The following ATXN7L2 variants were observed in gnomAD, a reference collection of about 807,000 sequenced individuals.
ATXN7L2 encodes ataxin-7-like protein 2.
ATXN7L2 carries 17 observed loss-of-function variants against 59.6 expected under a neutral mutation model. That is an observed-to-expected ratio of 0.29 (90% CI 0.20 to 0.43). ATXN7L2 has a LOEUF of 0.43. Ranked by LOEUF, ATXN7L2 falls within the 20% of genes least tolerant of loss-of-function variation. The pLI, the probability that ATXN7L2 is intolerant of heterozygous loss-of-function variation, is 1.00. For missense variants in ATXN7L2, 858 were observed against 1,008.9 expected, an observed-to-expected ratio of 0.85 and a Z score of 2.03; for synonymous variants, 378 against 392.5, an observed-to-expected ratio of 0.96 and a Z score of 0.44.
In ATXN7L2 at chr1:109,489,348, C is replaced by A. The variant is rs568103324; in HGVS notation, c.1133+248C>A. 4.2e-5 allele frequency: 23 copies of A among 548,390 alleles called. No homozygotes were observed. The East Asian group carries it at 6.8e-4, about 16-fold the overall frequency. 34.0% of individuals were successfully genotyped at this position (548,390 alleles called of 1,614,324 possible). On this transcript the variant is annotated intron_variant, in intron 7 of 10. Transcript: ENST00000683729. Reference sequence around the variant, plus strand: ...CCAACACTCAGGATATGAACATTTTCCCAGCTGCCTCCAACAGACCGAAAC... The same window carrying A: ...CCAACACTCAGGATATGAACATTTTACCAGCTGCCTCCAACAGACCGAAAC...
chr1:109,486,355 G>A lies in ATXN7L2; in HGVS notation c.194-151G>A, dbSNP rs1656583722. ...TATACCCTTTGGGACTGCTTAGATC[G>A]AACTCTGGAAGCTGGAAGCATTCAG... On this transcript the variant is annotated intron_variant, in intron 2 of 10. Coordinates refer to ENST00000683729, the MANE Select transcript of ATXN7L2 (RefSeq NM_001350175.2). The surrounding 1 kb of genome is among the most constrained non-coding windows in gnomAD (Gnocchi z 4.3). The A allele has an allele frequency of 7.5e-6, 7 of 933,674 alleles. No homozygotes were observed. Among genetic ancestry groups the A allele is most frequent in the Admixed American group, 5.5e-5 (2 of 36,370 alleles). 57.8% of individuals were successfully genotyped at this position (933,674 alleles called of 1,614,324 possible). A position where few individuals can be genotyped will look rare whatever the true frequency, so the allele number is the denominator to read the frequency against.
intron 7 of ATXN7L2, chr1:109,489,440 G>A: frequency 2.7e-6 from 1 of 370,738 alleles, no homozygotes; most frequent in Non-Finnish European, 4.9e-6. Flanking sequence ...TCACTCACTG[G>A]CCCCTTCGCG....
rs543506505 is a variant in ATXN7L2, at chr1:109,491,120, C to T, written c.1653C>T (p.Ala551=). The T allele has an allele frequency of 6.5e-5, 105 of 1,613,504 alleles. No individual in the cohort carries two copies. Among genetic ancestry groups the T allele is most frequent in the Non-Finnish European group, 8.5e-5 (100 of 1,179,962 alleles). Reference sequence around the variant, plus strand: ...CAGGCTCCCCCAGCGTGGCGGCTGCCTGTAGCCAGGCAGAGTGCATGGGCG... The same window carrying T: ...CAGGCTCCCCCAGCGTGGCGGCTGCTTGTAGCCAGGCAGAGTGCATGGGCG... ...YPAGSPSVAA[A]CSQAECMGGS... The change falls in exon 10 of 11, where the codon GCC becomes GCT. Residue 551 remains alanine (A), a synonymous_variant. Transcript: ENST00000683729. This position sits in a 1 kb window ranked among gnomAD's most constrained non-coding sequence, Gnocchi z 4.1.
At position 109,487,591 on chromosome 1, in the gene ATXN7L2, GC is replaced by G; in HGVS notation, c.587del (p.Pro196HisfsTer82). On this transcript the variant is annotated frameshift_variant, in exon 5 of 11. Coordinates refer to ENST00000683729, the MANE Select transcript of ATXN7L2 (RefSeq NM_001350175.2). LOFTEE classifies it high-confidence loss of function. Reference protein sequence around the residue: ...PKPDGHGIRVAPPSAFLSQPG... With the variant: ...PKPDGHGIRVXPPSAFLSQPG... ...GCCTGATGGACATGGAATCAGGGTG[GC>G]CCCACCCTCTGCTTTTCTCAGCCAG... is the stretch of plus-strand genomic sequence containing the variant. 1.3e-6 allele frequency: 2 copies of G among 1,570,248 alleles called. No individual in the cohort carries two copies. The highest frequency in any genetic ancestry group is 1.7e-6 in the Non-Finnish European group (2 of 1,159,256).
chr1:109,492,676 G>A lies in ATXN7L2; in HGVS notation c.*76G>A, dbSNP rs992970866. On this transcript the variant is annotated 3_prime_UTR_variant, in exon 11 of 11. Transcript: ENST00000683729. ...CAGATCCGGGCCCCAGGCTGCTGCC[G>A]CTTTTTATAACTTTATATTATTTTT... The A allele has an allele frequency of 1.6e-5, 24 of 1,534,588 alleles. No homozygotes were observed. Among genetic ancestry groups the A allele is most frequent in the Middle Eastern group, 2.3e-4 (1 of 4,312 alleles).
In ATXN7L2 at chr1:109,483,977, G is replaced by T; in HGVS notation, c.24G>T (p.Ala8=). Residue 8 remains alanine (A), a synonymous_variant, in exon 1 of 11, where the codon GCG becomes GCT. Transcript: ENST00000683729. MAVRERA[A]AAMAALERRV... ...TGATGGCGGTGCGTGAACGCGCGGC[G>T]GCAGCAATGGCCGCTCTGGAGCGGC... 1.5e-6 allele frequency: 2 copies of T among 1,360,530 alleles called. No individual in the cohort carries two copies. The highest frequency in any genetic ancestry group is 1.9e-6 in the Non-Finnish European group (2 of 1,046,056). 84.3% of individuals were successfully genotyped at this position (1,360,530 alleles called of 1,614,324 possible). A position where few individuals can be genotyped will look rare whatever the true frequency, so the allele number is the denominator to read the frequency against.
At chr1:109,485,385 A>G (rs1656506168) in intron 1 of ATXN7L2, 2 of 985,362 alleles carry the variant, frequency 2.0e-6, no homozygotes, top group African/African-American at 3.5e-5. Context: ...AAGGGGAGGG[A>G]CTTGCATAGC....
At chr1:109,485,786 T>C (rs747642556) in intron 1 of ATXN7L2, 35 of 1,137,218 alleles carry the variant, frequency 3.1e-5, no homozygotes, top group Non-Finnish European at 3.7e-5. Context: ...GATGGATTCT[T>C]CTTAGTGGGG....
intron 7 of ATXN7L2, 70 bp downstream of exon 7, chr1:109,489,170 A>C: frequency 6.5e-7 from 1 of 1,545,610 alleles, no homozygotes; most frequent in Non-Finnish European, 8.8e-7. Context: ...GGCCCCTGGA[A>C]ACAGGCTCAG....
chr1:109,492,539 G>T (rs758375705), intron 10 of ATXN7L2, 47 bp from the exon 11 acceptor site: 21 of 1,612,938 alleles, frequency 1.3e-5, no homozygotes, highest in Non-Finnish European at 1.7e-5. Context: ...AGGACAGCTG[G>T]TAGGCCCCCA....
Position 109,491,991 on chromosome 1 carries a change from T to C in ATXN7L2, c.2250+274T>C. 1 of 1,230,272 alleles carries C rather than the reference T, an allele frequency of 8.1e-7. No homozygotes were observed. The highest frequency in any genetic ancestry group is 1.0e-6 in the Non-Finnish European group (1 of 979,816). The allele number at this position is 1,230,272 out of a possible 1,614,324, so 76.2% of individuals were successfully genotyped here. ...CCTGCTTTTGCTATAATCAAAGGGC[T>C]ACTTCTTTCTGAATTGGCTGTGACC... On this transcript the variant is annotated intron_variant, in intron 10 of 10. Transcript: ENST00000683729. The surrounding 1 kb of genome is among the most constrained non-coding windows in gnomAD (Gnocchi z 4.1).
chr1:109,490,810 T>C (rs1256921694), intron 9 of ATXN7L2, 112 bp from the exon 10 acceptor site: 1 of 1,242,202 alleles, frequency 8.1e-7, no homozygotes, highest in African/African-American at 1.5e-5. Context: ...GCAGCAACTC[T>C]GGGGCTCTGC....
intron 7 of ATXN7L2, 44 bp from the exon 8 acceptor site, chr1:109,489,886 C>A (rs900998726): frequency 6.8e-6 from 11 of 1,608,318 alleles, no homozygotes; most frequent in Non-Finnish European, 9.3e-6. Context: ...TACTCTGACC[C>A]CACAACAGTC....
In ATXN7L2 at chr1:109,488,539, G is replaced by A. The variant is rs548235604; in HGVS notation, c.879+74G>A. ...CCACTCCTTCCCTGGGCAAAGAGAGGAATGTCGATGTTACTGAAGGTCCAG... is the reference window on the plus strand; with the variant it reads ...CCACTCCTTCCCTGGGCAAAGAGAGAAATGTCGATGTTACTGAAGGTCCAG... On this transcript the variant is annotated intron_variant, in intron 6 of 10. Coordinates refer to ENST00000683729, the MANE Select transcript of ATXN7L2 (RefSeq NM_001350175.2). This position sits in a 1 kb window ranked among gnomAD's most constrained non-coding sequence, Gnocchi z 5.0. The A allele has an allele frequency of 2.7e-4, 391 of 1,456,232 alleles. 9 individuals carry two copies. The South Asian group carries it at 4.5e-3, about 17-fold the overall frequency. 90.2% of individuals were successfully genotyped at this position (1,456,232 alleles called of 1,614,324 possible). A position where few individuals can be genotyped will look rare whatever the true frequency, so the allele number is the denominator to read the frequency against.
At position 109,488,968 on chromosome 1, in the gene ATXN7L2, G is replaced by C. The variant is rs767873540; in HGVS notation, c.1001G>C (p.Arg334Pro). The C allele has an allele frequency of 3.1e-6, 5 of 1,614,046 alleles. No individual in the cohort carries two copies. The highest frequency in any genetic ancestry group is 4.2e-6 in the Non-Finnish European group (5 of 1,180,014). Residue 334 changes from arginine to proline, a missense_variant, in exon 7 of 11, where the codon CGC (arginine) becomes CCC (proline). Arg to Pro is a moderately radical substitution (Grantham distance 103). This residue lies in a region of ATXN7L2 where 734 missense variants were observed against 862.3 expected (regional missense o/e 0.85). Coordinates refer to ENST00000683729, the MANE Select transcript of ATXN7L2 (RefSeq NM_001350175.2). The surrounding 1 kb of genome is among the most constrained non-coding windows in gnomAD (Gnocchi z 5.0). ...TCTCCCAAGGAGAAGAGCCCAGGGCGCAAGGAGCAAGTTCTCGAGCGCCCC... is the reference window on the plus strand; with the variant it reads ...TCTCCCAAGGAGAAGAGCCCAGGGCCCAAGGAGCAAGTTCTCGAGCGCCCC... The part of the protein sequence containing the change: ...GESPKEKSPG[R>P]KEQVLERPSQ...
rs755842102 is a variant in ATXN7L2 at position 109,491,520 on chromosome 1, C to T, written c.2053C>T (p.His685Tyr). ...GCTGGAGAACCGGGGAGCAGCTGGA[C>T]ACCCAGCCAAGGCCCTGCCAACCAA... is the stretch of plus-strand genomic sequence containing the variant. ...SQLENRGAAG[H>Y]PAKALPTNCL... Residue 685 changes from histidine to tyrosine, a missense_variant, in exon 10 of 11, where the codon CAC (histidine) becomes TAC (tyrosine). Physicochemically the swap from His to Tyr is moderately conservative, Grantham distance 83. This residue lies in a region of ATXN7L2 where 734 missense variants were observed against 862.3 expected (regional missense o/e 0.85). Transcript: ENST00000683729. The surrounding 1 kb of genome is among the most constrained non-coding windows in gnomAD (Gnocchi z 4.1). 1 of 1,613,994 alleles carries T rather than the reference C, an allele frequency of 6.2e-7. No individual in the cohort carries two copies. Among genetic ancestry groups the T allele is most frequent in the South Asian group, 1.1e-5 (1 of 91,090 alleles).
In ATXN7L2 at chr1:109,491,787, C is replaced by T; in HGVS notation, c.2250+70C>T. 1.4e-6 allele frequency: 2 copies of T among 1,442,978 alleles called. No homozygotes were observed. The highest frequency in any genetic ancestry group is 1.4e-5 in the South Asian group (1 of 70,852). The allele number at this position is 1,442,978 out of a possible 1,614,324, so 89.4% of individuals were successfully genotyped here. A position where few individuals can be genotyped will look rare whatever the true frequency, so the allele number is the denominator to read the frequency against. On this transcript the variant is annotated intron_variant, in intron 10 of 10. Coordinates refer to ENST00000683729, the MANE Select transcript of ATXN7L2 (RefSeq NM_001350175.2). The surrounding 1 kb of genome is among the most constrained non-coding windows in gnomAD (Gnocchi z 4.1). ...GGGGGTACCTGATACAGAGAAGATG[C>T]TACATTGGTGTTTGTGCAGGGAAAG...
chr1:109,484,064 C>T lies in ATXN7L2; in HGVS notation c.111C>T (p.Asp37=). Residue 37 remains aspartate, a synonymous_variant, in exon 1 of 11, where the codon GAC becomes GAT. Coordinates refer to ENST00000683729, the MANE Select transcript of ATXN7L2 (RefSeq NM_001350175.2). Reference sequence around the variant, plus strand: ...GGAGCTCGTGGGTGGAGCGGGCCGACCTGCCCGCGGCTGACGGTGAGTAAA... The same window carrying T: ...GGAGCTCGTGGGTGGAGCGGGCCGATCTGCCCGCGGCTGACGGTGAGTAAA... ...QSWSSWVERA[D]LPAADGAELE... is the part of the protein sequence containing the mutation. 1 of 1,518,560 alleles carries T rather than the reference C, an allele frequency of 6.6e-7. No individual in the cohort carries two copies. Among genetic ancestry groups the T allele is most frequent in the South Asian group, 1.2e-5 (1 of 82,072 alleles). The allele number at this position is 1,518,560 out of a possible 1,614,324, so 94.1% of individuals were successfully genotyped here.
chr1:109,487,436 G>C, intron 4 of ATXN7L2, 82 bp from the exon 5 acceptor site: 2 of 1,353,156 alleles, frequency 1.5e-6, no homozygotes, highest in Non-Finnish European at 1.9e-6. Context: ...GGCTGGGAAA[G>C]AGATGGCTCT....
Sources: allele counts gnomAD v4.1 joint callset, GRCh38; gene constraint gnomAD v4.1.1; regional missense constraint gnomAD v4.1.1; non-coding constraint Gnocchi (gnomAD v3.1); transcripts MANE v1.5; gene names NCBI Gene and HGNC (gene_info 2026-07-23, HGNC 2026-07-21).